DTNBP1: variants seen among roughly 807,000 people sequenced by gnomAD.
DTNBP1 encodes the protein dysbindin.
Under a neutral mutation model 42.8 loss-of-function variants are expected in DTNBP1, and 35 were observed. The ratio of observed to expected loss-of-function variants is 0.82; its 90% CI spans 0.63 to 1.09. The LOEUF is 1.09. Ranked by LOEUF, DTNBP1 falls within the 50% of genes least tolerant of loss-of-function variation. DTNBP1 has a pLI of 0.00. For missense variants in DTNBP1, 457 were observed against 424.2 expected (o/e 1.08, Z -0.68); for synonymous variants, 171 against 162.2 (o/e 1.05, Z -0.41).
intron 7 of DTNBP1, among the ~76,000 whole-genome samples, chr6:15,542,592 G>A (rs1266514321): frequency 2.0e-5 from 3 of 151,966 alleles, no homozygotes; most frequent in African/African-American, 7.3e-5. Flanking sequence ...GGATGGTCTC[G>A]ATCTCCTGAC....
intron 8 of DTNBP1, among the ~76,000 whole-genome samples, chr6:15,531,420 G>A (rs938567275): frequency 6.6e-6 from 1 of 152,144 alleles, no homozygotes; most frequent in Non-Finnish European, 1.5e-5. Flanking sequence ...ACGCACAGAG[G>A]ACAAATGCAG....
intron 3 of DTNBP1, among the ~76,000 whole-genome samples, chr6:15,647,219 T>C (rs892158284): frequency 1.2e-4 from 18 of 151,798 alleles, no homozygotes; most frequent in African/African-American, 4.1e-4. Flanking sequence ...AATGAAGACA[T>C]ATAAGAAGCC....
Position 15,537,188 on chromosome 6 carries a change from A to G in DTNBP1, c.512-3793T>C, listed in dbSNP as rs1773281710. On this transcript the variant is annotated intron_variant, in intron 7 of 9. Coordinates refer to ENST00000344537, the MANE Select transcript of DTNBP1 (RefSeq NM_032122.5). The stretch of plus-strand genomic sequence containing the variant: ...GTAATCCCAACACTTTGGGAGACCA[A>G]GGCGGACAGATCACGAGGTCAGGAG... Among the ~76,000 whole-genome samples the G allele has an allele frequency of 3.3e-5, 5 of 152,222 alleles. No homozygotes were observed. In the South Asian group the frequency reaches 1.0e-3, roughly 32 times the overall value.
intron 7 of DTNBP1, among the ~76,000 whole-genome samples, chr6:15,558,691 T>C (rs1446133989): frequency 5.3e-5 from 8 of 152,216 alleles, no homozygotes; most frequent in Non-Finnish European, 1.0e-4. Flanking sequence ...AAAATGGGAA[T>C]TGCATAAACT....
chr6:15,645,585 T>C (rs1760630932), intron 3 of DTNBP1, among the ~76,000 whole-genome samples: 1 of 152,058 alleles, frequency 6.6e-6, no homozygotes, highest in Non-Finnish European at 1.5e-5. Flanking sequence ...AAGAGATAGT[T>C]CACCATGATC....
intron 4 of DTNBP1, among the ~76,000 whole-genome samples, chr6:15,632,934 TCAATAG>T (rs1343511240): frequency 6.6e-6 from 1 of 152,250 alleles, no homozygotes; most frequent in Non-Finnish European, 1.5e-5. Flanking sequence ...CTTGCAAATA[TCAATAG>T]CAAGTTTTAT....
intron 6 of DTNBP1, among the ~76,000 whole-genome samples, chr6:15,594,261 G>A (rs1032699071): frequency 3.3e-5 from 5 of 151,868 alleles, no homozygotes; most frequent in Non-Finnish European, 7.4e-5. Flanking sequence ...TCAGGAGTTC[G>A]AGATCAGCCT....
chr6:15,545,335 T>C (rs555831908), intron 7 of DTNBP1, among the ~76,000 whole-genome samples: 1 of 152,382 alleles, frequency 6.6e-6, no homozygotes, highest in African/African-American at 2.4e-5. Context: ...TTTTATACCA[T>C]ACATTATTTC....
rs140081404 is a variant in DTNBP1 at position 15,536,763 on chromosome 6, G to A, written c.512-3368C>T. Among the ~76,000 whole-genome samples, 136 of 152,340 alleles carry A rather than the reference G, an allele frequency of 8.9e-4. 1 individual carries two copies. The highest frequency in any genetic ancestry group is 2.7e-3 in the African/African-American group (113 of 41,578). ...GTGAGAAGAGGGCCACTGCCCTCCAGAGCCCAGAATGGTAGATCCACTGAC... is the reference window on the plus strand; with the variant it reads ...GTGAGAAGAGGGCCACTGCCCTCCAAAGCCCAGAATGGTAGATCCACTGAC... On this transcript the variant is annotated intron_variant, in intron 7 of 9. Transcript: ENST00000344537.
intron 7 of DTNBP1, among the ~76,000 whole-genome samples, chr6:15,565,269 T>C (rs1775017963): frequency 6.6e-6 from 1 of 152,224 alleles, no homozygotes; most frequent in South Asian, 2.1e-4. Context: ...GGAAAATGGT[T>C]TGTCAATTTC....
rs950975625 is a variant in DTNBP1, at chr6:15,522,897, A to C, written c.*78T>G. ...TAAAAATCAAGAACCTCTATAAAAC[A>C]ACCTGGCTTTCCAGGTGGAATTCCG... On this transcript the variant is annotated 3_prime_UTR_variant, in exon 10 of 10. Transcript: ENST00000344537. 9.9e-6 allele frequency: 16 copies of C among 1,612,106 alleles called. No individual in the cohort carries two copies. The African/African-American group carries it at 1.5e-4, about 15-fold the overall frequency.
At chr6:15,566,568 T>C (rs999093295) in intron 7 of DTNBP1, among the ~76,000 whole-genome samples, 2 of 152,132 alleles carry the variant, frequency 1.3e-5, no homozygotes, top group Non-Finnish European at 2.9e-5. Context: ...AACCTGACTC[T>C]AGCATAACCT....
chr6:15,617,633 T>G (rs1047912981), intron 5 of DTNBP1, among the ~76,000 whole-genome samples: 1 of 151,360 alleles, frequency 6.6e-6, no homozygotes, highest in Non-Finnish European at 1.5e-5. Context: ...AAATACATGG[T>G]CTCATCAATA....
At chr6:15,601,071 A>G (rs569031160) in intron 6 of DTNBP1, among the ~76,000 whole-genome samples, 1 of 152,342 alleles carries the variant, frequency 6.6e-6, no homozygotes, top group Admixed American at 6.5e-5. Context: ...AAAGAAAACT[A>G]AAATGAACCT....
At chr6:15,546,941 T>C (rs983048959) in intron 7 of DTNBP1, among the ~76,000 whole-genome samples, 1 of 150,814 alleles carries the variant, frequency 6.6e-6, no homozygotes, top group Admixed American at 6.6e-5. Flanking sequence ...TTTTTTTTTT[T>C]TTGGTAAGAC....
chr6:15,645,744 A>G (rs1240235052), intron 3 of DTNBP1, among the ~76,000 whole-genome samples: 2 of 152,138 alleles, frequency 1.3e-5, no homozygotes, highest in Non-Finnish European at 2.9e-5. Context: ...ATATCCCTTC[A>G]TAACGAAAAT....
chr6:15,555,524 G>T (rs1774464224), intron 7 of DTNBP1, among the ~76,000 whole-genome samples: 1 of 152,122 alleles, frequency 6.6e-6, no homozygotes, highest in African/African-American at 2.4e-5. Flanking sequence ...TCCAAGATGG[G>T]GATGAAAGTG....
chr6:15,555,378 A>C (rs758933760), intron 7 of DTNBP1, among the ~76,000 whole-genome samples: 13 of 152,038 alleles, frequency 8.6e-5, no homozygotes, highest in Admixed American at 3.9e-4. Context: ...CCTGGGCTGC[A>C]TTCCAAGGAT....
chr6:15,574,266 A>G (rs1458008271), intron 7 of DTNBP1, among the ~76,000 whole-genome samples: 1 of 152,214 alleles, frequency 6.6e-6, no homozygotes, highest in Non-Finnish European at 1.5e-5. Flanking sequence ...AGACACAAAC[A>G]CTGGTGGAGG....
Sources: gnomAD v4.1 joint callset for allele counts (sites outside exome capture counted in the v4.1 genomes callset) on GRCh38, gnomAD v4.1.1 for gene constraint, MANE v1.5 for transcripts, NCBI Gene and HGNC (gene_info 2026-07-23, HGNC 2026-07-21) for gene names.